ITPRID1: variants seen among roughly 807,000 people sequenced by gnomAD.
ITPRID1 encodes ITPR interacting domain containing 1, also known as protein ITPRID1.
ITPRID1 carries 96 observed loss-of-function variants against 95.4 expected under a neutral mutation model. That is an observed-to-expected ratio of 1.01 (90% CI 0.85 to 1.19). The LOEUF (loss-of-function observed/expected upper bound fraction) is 1.19, where lower values mean the gene tolerates loss of function less well. Ranked by LOEUF, ITPRID1 falls within the 50% of genes most tolerant of loss-of-function variation. The pLI is 0.00. For synonymous variants in ITPRID1, 510 were observed against 453.6 expected (o/e 1.12, Z -1.58); for missense variants, 1,339 against 1,252.9 (o/e 1.07, Z -1.04).
intron 5 of ITPRID1, among the ~76,000 whole-genome samples, chr7:31,568,710 C>T (rs1029653664): frequency 1.3e-5 from 2 of 152,158 alleles, no homozygotes; most frequent in African/African-American, 4.8e-5. Flanking sequence ...TTCAGCACCG[C>T]TATCAGGCAA....
intron 8 of ITPRID1, among the ~76,000 whole-genome samples, chr7:31,575,685 T>C (rs1785156233): frequency 6.6e-6 from 1 of 152,196 alleles, no homozygotes; most frequent in Admixed American, 6.5e-5. Context: ...TGAGGAATTC[T>C]GGAGGGGGGA....
At chr7:31,526,339 A>T (rs747944255) in intron 1 of ITPRID1, among the ~76,000 whole-genome samples, 2 of 152,220 alleles carry the variant, frequency 1.3e-5, no homozygotes, top group Non-Finnish European at 2.9e-5. Flanking sequence ...TAAATCAAGA[A>T]GCATTTGTAC....
At chr7:31,588,261 T>TG (rs1785708480) in intron 10 of ITPRID1, among the ~76,000 whole-genome samples, 1 of 151,924 alleles carries the variant, frequency 6.6e-6, no homozygotes, top group African/African-American at 2.4e-5. Flanking sequence ...TGGCACTGGG[T>TG]GAGTGTCCTG....
intron 1 of ITPRID1, among the ~76,000 whole-genome samples, chr7:31,519,616 C>A (rs200805824): frequency 0.045 from 1,718 of 38,002 alleles, 31 homozygotes; most frequent in African/African-American, 0.1. Context: ...CTCTCTCTCT[C>A]TCTCTATATA....
intron 2 of ITPRID1, among the ~76,000 whole-genome samples, chr7:31,550,416 A>G (rs944142095): frequency 6.6e-6 from 1 of 152,156 alleles, no homozygotes; most frequent in Non-Finnish European, 1.5e-5. Context: ...ACTAGGTTCG[A>G]AATGGTCCTT....
chr7:31,517,298 T>C (rs1283011815), intron 1 of ITPRID1: 1 of 152,236 alleles, frequency 6.6e-6, no homozygotes. Flanking sequence ...ATTGGTCTGT[T>C]TTGGCAGAGT....
intron 10 of ITPRID1, among the ~76,000 whole-genome samples, chr7:31,638,180 T>A (rs147262442): frequency 6.6e-6 from 1 of 152,212 alleles, no homozygotes; most frequent in Non-Finnish European, 1.5e-5. Flanking sequence ...ACAGTTGATA[T>A]AAGGAGGAAA....
At chr7:31,534,819 T>C (rs1783709146) in intron 1 of ITPRID1, among the ~76,000 whole-genome samples, 1 of 152,178 alleles carries the variant, frequency 6.6e-6, no homozygotes, top group Non-Finnish European at 1.5e-5. Context: ...TGTCCATCTA[T>C]TGTTTATTTG....
At chr7:31,621,212 A>G (rs1489616282) in intron 10 of ITPRID1, among the ~76,000 whole-genome samples, 2 of 152,110 alleles carry the variant, frequency 1.3e-5, no homozygotes, top group Non-Finnish European at 2.9e-5. Context: ...AACTTCCCCA[A>G]TCTAGCAAGG....
Position 31,653,080 on chromosome 7 carries a change from GC to G in ITPRID1, c.*254del. On this transcript the variant is annotated 3_prime_UTR_variant, in exon 15 of 15. Transcript: ENST00000615280. ...AGTGACTAAATAGTATACGGTCTCT[GC>G]CCTGCTAGAACTTACAGTGTAGTGG... 1 of 886,694 alleles carries G rather than the reference GC, an allele frequency of 1.1e-6. No individual in the cohort carries two copies. Among genetic ancestry groups the G allele is most frequent in the Non-Finnish European group, 1.6e-6 (1 of 642,850 alleles). The allele number at this position is 886,694 out of a possible 1,614,324, so 54.9% of individuals were successfully genotyped here.
At chr7:31,631,722 C>T (rs1005806974) in intron 10 of ITPRID1, among the ~76,000 whole-genome samples, 1 of 152,106 alleles carries the variant, frequency 6.6e-6, no homozygotes, top group African/African-American at 2.4e-5. Context: ...GGCTGTAAGA[C>T]CTTGAAACCA....
chr7:31,568,162 T>C (rs781203410), intron 5 of ITPRID1, among the ~76,000 whole-genome samples: 9 of 151,726 alleles, frequency 5.9e-5, no homozygotes, highest in Non-Finnish European at 1.3e-4. Flanking sequence ...AAGTCAGTAA[T>C]ACATCTCCAG....
chr7:31,555,765 C>T (rs1475387712), intron 5 of ITPRID1, among the ~76,000 whole-genome samples: 3 of 152,192 alleles, frequency 2.0e-5, no homozygotes, highest in Non-Finnish European at 4.4e-5. Context: ...AATTATTTCA[C>T]TTCCTCTACT....
At chr7:31,618,360 C>G (rs1000640779) in intron 10 of ITPRID1, among the ~76,000 whole-genome samples, 10 of 47,826 alleles carry the variant, frequency 2.1e-4, no homozygotes, top group Non-Finnish European at 4.4e-4. Context: ...GAGGTTCCTC[C>G]CCTGTCCTTT....
At chr7:31,529,741 G>A (rs769897468) in intron 1 of ITPRID1, 79 of 1,532,894 alleles carry the variant, frequency 5.2e-5, no homozygotes, top group Non-Finnish European at 6.6e-5. Flanking sequence ...GAGACAAAAA[G>A]GCACAGAAGA....
chr7:31,526,454 C>T (rs1038106925), intron 1 of ITPRID1, among the ~76,000 whole-genome samples: 5 of 152,184 alleles, frequency 3.3e-5, no homozygotes, highest in Admixed American at 3.3e-4. Flanking sequence ...AGCTCCGTTT[C>T]CTCATCTCTA....
chr7:31,516,888 T>C (rs1783059136), intron 1 of ITPRID1, among the ~76,000 whole-genome samples: 1 of 152,208 alleles, frequency 6.6e-6, no homozygotes, highest in Non-Finnish European at 1.5e-5. Context: ...GTCACAGTTC[T>C]TAAAAATGGT....
At chr7:31,523,770 A>G (rs762203710) in intron 1 of ITPRID1, among the ~76,000 whole-genome samples, 17 of 152,208 alleles carry the variant, frequency 1.1e-4, no homozygotes, top group Non-Finnish European at 1.9e-4. Flanking sequence ...AGTCTCGGGT[A>G]TTTATAACAA....
intron 5 of ITPRID1, among the ~76,000 whole-genome samples, chr7:31,559,081 T>C (rs1345042380): frequency 2.0e-5 from 3 of 152,112 alleles, no homozygotes; most frequent in Non-Finnish European, 4.4e-5. Flanking sequence ...TACAATAACA[T>C]TGGTACCTAA....
Sources: allele counts gnomAD v4.1 joint callset (sites outside exome capture counted in the v4.1 genomes callset), GRCh38; gene constraint gnomAD v4.1.1; transcripts MANE v1.5; gene names NCBI Gene and HGNC (gene_info 2026-07-23, HGNC 2026-07-21).